SERPINI2: variants seen among roughly 807,000 people sequenced by gnomAD.
SERPINI2 encodes serpin I2.
SERPINI2 carries 48 observed loss-of-function variants against 47.3 expected under a neutral mutation model. That is an observed-to-expected ratio of 1.02 (90% CI 0.81 to 1.29). The LOEUF is 1.29. Ranked by LOEUF, SERPINI2 falls within the 50% of genes most tolerant of loss-of-function variation. SERPINI2 has a pLI of 0.00. For missense variants in SERPINI2, 448 were observed against 456.9 expected (o/e 0.98, Z 0.18); for synonymous variants, 135 against 149.3 (o/e 0.90, Z 0.70).
At chr3:167,460,662 A>G (rs1749958096) in intron 5 of SERPINI2, among the ~76,000 whole-genome samples, 1 of 152,196 alleles carries the variant, frequency 6.6e-6, no homozygotes, top group Non-Finnish European at 1.5e-5. Flanking sequence ...GAAGTTTTGA[A>G]GTAAATGGCT....
intron 5 of SERPINI2, 46 bp downstream of exon 5, chr3:167,465,160 G>T (rs764539743): frequency 6.7e-7 from 1 of 1,489,468 alleles, no homozygotes; most frequent in South Asian, 1.2e-5. Flanking sequence ...AAATTCCTAT[G>T]TGAGTGGAAA....
In SERPINI2 at chr3:167,465,339, C is replaced by A. The variant is rs1163349245; in HGVS notation, c.733G>T (p.Glu245Ter). 1 of 1,612,636 alleles carries A rather than the reference C, an allele frequency of 6.2e-7. No homozygotes were observed. Among genetic ancestry groups the A allele is most frequent in the Non-Finnish European group, 8.5e-7 (1 of 1,179,694 alleles). ...GGAAGTATGATAATTAAGCTAAATTCATCACCTTTGTAAGACAATTCTAAA... is the reference window on the plus strand; with the variant it reads ...GGAAGTATGATAATTAAGCTAAATTAATCACCTTTGTAAGACAATTCTAAA... Residue 245 changes from glutamate to a stop codon, truncating the protein, a stop_gained, in exon 5 of 9, where the codon GAA (glutamate) becomes TAA (stop). Transcript: ENST00000264677. LOFTEE classifies it high-confidence loss of function.
At position 167,471,651 on chromosome 3, in the gene SERPINI2, C is replaced by A. The variant is rs1196946113; in HGVS notation, c.184G>T (p.Gly62Ter). Residue 62 changes from glycine to a stop codon, truncating the protein, a stop_gained, in exon 2 of 9, where the codon GGA (glycine) becomes TGA (stop). Coordinates refer to ENST00000264677, the Ensembl canonical transcript of SERPINI2. LOFTEE classifies it high-confidence loss of function. ...TGCTGCTGTGCTTTTCCTTTGGCTC[C>A]CAGTTGTACCATCTCAAGAACCAAA... 6.2e-7 allele frequency: 1 copy of A among 1,613,292 alleles called. No homozygotes were observed. Among genetic ancestry groups the A allele is most frequent in the East Asian group, 2.2e-5 (1 of 44,808 alleles).
intron 2 of SERPINI2, among the ~76,000 whole-genome samples, chr3:167,468,311 G>A (rs1421080193): frequency 6.6e-6 from 1 of 150,882 alleles, no homozygotes; most frequent in East Asian, 1.9e-4. Context: ...TAAGGAGGAT[G>A]TGTGTGTGTG....
At chr3:167,468,701 A>G (rs1750218476) in intron 2 of SERPINI2, among the ~76,000 whole-genome samples, 2 of 152,184 alleles carry the variant, frequency 1.3e-5, no homozygotes, top group Non-Finnish European at 1.5e-5. Context: ...GAAGGGAAGA[A>G]AGTTAAGCCA....
intron 5 of SERPINI2, among the ~76,000 whole-genome samples, chr3:167,456,742 T>C (rs1749805190): frequency 6.6e-6 from 1 of 152,200 alleles, no homozygotes; most frequent in South Asian, 2.1e-4. Flanking sequence ...AATGTAAAAC[T>C]AGACCTTCAT....
chr3:167,453,036 G>A lies in SERPINI2; in HGVS notation c.867-3C>T. On this transcript the variant is annotated splice_region_variant and splice_polypyrimidine_tract_variant and intron_variant, in intron 5 of 8. Coordinates refer to ENST00000264677, the Ensembl canonical transcript of SERPINI2. ...CTACTTTTTGTTCTACTTTAAATCTGTTATTAAAAAAAAAAGAAAAAGAAA... is the reference window on the plus strand; with the variant it reads ...CTACTTTTTGTTCTACTTTAAATCTATTATTAAAAAAAAAAGAAAAAGAAA... 1 of 1,467,068 alleles carries A rather than the reference G, an allele frequency of 6.8e-7. No individual in the cohort carries two copies. The highest frequency in any genetic ancestry group is 9.2e-7 in the Non-Finnish European group (1 of 1,082,518). 90.9% of individuals were successfully genotyped at this position (1,467,068 alleles called of 1,614,324 possible).
Position 167,465,818 on chromosome 3 carries a change from A to T in SERPINI2, c.479-145T>A, listed in dbSNP as rs919511867. 4.6e-5 allele frequency: 29 copies of T among 630,502 alleles called. No homozygotes were observed. In the African/African-American group the frequency reaches 4.8e-4, roughly 10 times the overall value. 39.1% of individuals were successfully genotyped at this position (630,502 alleles called of 1,614,324 possible). ...ATCATCTAAATATGGTAATTTTGAG[A>T]ATAGACGGGATTGCTGTTAAATATT... On this transcript the variant is annotated intron_variant, in intron 3 of 8. Coordinates refer to ENST00000264677, the Ensembl canonical transcript of SERPINI2.
intron 5 of SERPINI2, among the ~76,000 whole-genome samples, chr3:167,453,749 C>T (rs1749709993): frequency 6.6e-6 from 1 of 151,314 alleles, no homozygotes. Context: ...CCTGTCTGTG[C>T]CTTAATTTGC....
chr3:167,457,459 C>G (rs4955672), intron 5 of SERPINI2, among the ~76,000 whole-genome samples: 56,084 of 152,004 alleles, frequency 0.37, 10,442 homozygotes, highest in East Asian at 0.5. Flanking sequence ...GTTAGTCACA[C>G]ATTTCAATAA....
At chr3:167,459,282 G>T (rs1252546564) in intron 5 of SERPINI2, among the ~76,000 whole-genome samples, 1 of 151,834 alleles carries the variant, frequency 6.6e-6, no homozygotes, top group Non-Finnish European at 1.5e-5. Flanking sequence ...CACCGTTTTA[G>T]CCGGGATGGT....
At chr3:167,462,407 G>C (rs908663740) in intron 5 of SERPINI2, among the ~76,000 whole-genome samples, 4 of 152,124 alleles carry the variant, frequency 2.6e-5, no homozygotes, top group African/African-American at 9.7e-5. Context: ...GGAAAAATTT[G>C]TTCTATGCCT....
intron 1 of SERPINI2, 139 bp downstream of exon 1, chr3:167,473,864 C>T (rs4129073): frequency 0.37 from 452,632 of 1,220,028 alleles, 85,766 homozygotes; most frequent in East Asian, 0.49. Flanking sequence ...AGAATAAAAG[C>T]GATATGTTAA....
chr3:167,465,757 G>T, intron 3 of SERPINI2, 84 bp from the exon 4 acceptor site: 2 of 1,227,562 alleles, frequency 1.6e-6, no homozygotes, highest in Admixed American at 5.4e-5. Context: ...TAAAGCAAAA[G>T]TGTCTTTTGC....
chr3:167,467,167 C>A, exon 3 of SERPINI2: 1 of 1,613,386 alleles, frequency 6.2e-7, no homozygotes, highest in Non-Finnish European at 8.5e-7. Context: ...CATGGAGATA[C>A]TGTTCTTTCA....
chr3:167,450,692 CCTT>C (rs1180405009), intron 6 of SERPINI2, among the ~76,000 whole-genome samples: 3 of 152,126 alleles, frequency 2.0e-5, no homozygotes, highest in Non-Finnish European at 4.4e-5. Flanking sequence ...CAAATAAGCA[CCTT>C]CTTCTCCCAG....
upstream of SERPINI2, among the ~76,000 whole-genome samples, chr3:167,476,544 T>A (rs1750483013): frequency 6.6e-6 from 1 of 152,072 alleles, no homozygotes; most frequent in African/African-American, 2.4e-5. Flanking sequence ...AGAGAAGGTC[T>A]GTCTGTATGA....
At chr3:167,465,900 T>G (rs1222506277) in intron 3 of SERPINI2, among the ~76,000 whole-genome samples, 2 of 152,138 alleles carry the variant, frequency 1.3e-5, no homozygotes, top group African/African-American at 2.4e-5. Flanking sequence ...TATGAGACTG[T>G]TTTAGGCAAA....
intron 8 of SERPINI2, among the ~76,000 whole-genome samples, chr3:167,442,657 A>G (rs9811241): frequency 6.6e-6 from 1 of 152,212 alleles, no homozygotes; most frequent in Non-Finnish European, 1.5e-5. Context: ...AGCTTACTTT[A>G]CCTCCAATGA....
Sources: gnomAD v4.1 joint callset for allele counts (sites outside exome capture counted in the v4.1 genomes callset) on GRCh38, gnomAD v4.1.1 for gene constraint, MANE v1.5 for transcripts, NCBI Gene and HGNC (gene_info 2026-07-23, HGNC 2026-07-21) for gene names.